The following HYDIN variants were observed in gnomAD, a reference collection of about 807,000 sequenced individuals.
HYDIN encodes axonemal central pair apparatus protein HYDIN.
A neutral mutation model predicts 403.9 loss-of-function variants in HYDIN; 132 were observed. The ratio of observed to expected loss-of-function variants is 0.33; its 90% CI spans 0.28 to 0.38. The LOEUF (loss-of-function observed/expected upper bound fraction) is 0.38, where lower values mean the gene tolerates loss of function less well. Ranked by LOEUF, HYDIN falls within the 10% of genes least tolerant of loss-of-function variation. The pLI, the probability that HYDIN is intolerant of heterozygous loss-of-function variation, is 1.00. For synonymous variants in HYDIN, 1,202 were observed against 1,891.7 expected, an observed-to-expected ratio of 0.64 and a Z score of 9.46; for missense variants, 2,827 against 5,009.5, an observed-to-expected ratio of 0.56 and a Z score of 13.15.
At chr16:71,127,853 CT>C (rs1176671095) in intron 9 of HYDIN, among the ~76,000 whole-genome samples, 1 of 152,124 alleles carries the variant, frequency 6.6e-6, no homozygotes, top group Non-Finnish European at 1.5e-5. Context: ...TTCCATATCT[CT>C]GGGCTTGACC....
chr16:71,106,059 G>A (rs1303895095), intron 10 of HYDIN, among the ~76,000 whole-genome samples: 3 of 152,068 alleles, frequency 2.0e-5, no homozygotes, highest in Non-Finnish European at 4.4e-5. Flanking sequence ...ACTGCCAGCT[G>A]TACTCAGCAG....
At chr16:70,896,571 GTCTTGAAC>G (rs1377197868) in intron 53 of HYDIN, among the ~76,000 whole-genome samples, 1 of 151,298 alleles carries the variant, frequency 6.6e-6, no homozygotes, top group Non-Finnish European at 1.5e-5. Context: ...GCCTAGGCTG[GTCTTGAAC>G]TCTTGAACTC....
At chr16:70,989,502 G>T (rs1178394902) in intron 25 of HYDIN, among the ~76,000 whole-genome samples, 1 of 152,082 alleles carries the variant, frequency 6.6e-6, no homozygotes, top group Non-Finnish European at 1.5e-5. Context: ...TTATACTGTA[G>T]ATAAATATTA....
chr16:70,895,781 G>A (rs533750038), intron 54 of HYDIN, among the ~76,000 whole-genome samples, 200 bp downstream of exon 54: 4 of 151,988 alleles, frequency 2.6e-5, no homozygotes, highest in East Asian at 1.9e-4. Flanking sequence ...ATGACCACCC[G>A]CTTTCTACCT....
intron 75 of HYDIN, among the ~76,000 whole-genome samples, chr16:70,848,348 T>C (rs904001700): frequency 1.3e-5 from 2 of 152,160 alleles, no homozygotes; most frequent in African/African-American, 4.8e-5. Context: ...ACAACTTCTA[T>C]TCATTGCTTT....
intron 13 of HYDIN, among the ~76,000 whole-genome samples, chr16:71,072,533 C>A (rs112700810): frequency 1.3e-5 from 2 of 151,390 alleles, no homozygotes; most frequent in African/African-American, 4.8e-5. Context: ...GTGCGTTAGC[C>A]CTTTGATAAA....
intron 41 of HYDIN, among the ~76,000 whole-genome samples, chr16:70,951,463 C>T (rs1314401123): frequency 6.6e-6 from 1 of 152,132 alleles, no homozygotes; most frequent in Admixed American, 6.5e-5. Flanking sequence ...CTCCTCGTTG[C>T]TTCCCTCAAA....
At position 70,806,343 on chromosome 16, in the gene HYDIN, G is replaced by C. The variant is rs1472314163; in HGVS notation, c.*1237C>G. 1.3e-5 allele frequency among the ~76,000 whole-genome samples: 2 copies of C among 151,578 alleles called. No individual in the cohort carries two copies. The highest frequency in any genetic ancestry group is 2.9e-5 in the Non-Finnish European group (2 of 68,024). ...ACTATTGTAAAGGTCTGTGTTTACA[G>C]ACATTCTAGAAAAAGCTTTTTTGGT... On this transcript the variant is annotated 3_prime_UTR_variant, in exon 86 of 86. Coordinates refer to ENST00000393567, the MANE Select transcript of HYDIN (RefSeq NM_001270974.2).
intron 9 of HYDIN, among the ~76,000 whole-genome samples, chr16:71,122,894 C>T (rs1242433930): frequency 1.6e-5 from 2 of 122,712 alleles, no homozygotes; most frequent in African/African-American, 6.2e-5. Context: ...TGTTCCCCTG[C>T]TCGCTGATGT....
intron 10 of HYDIN, among the ~76,000 whole-genome samples, chr16:71,107,671 A>G (rs1186192372): frequency 3.3e-5 from 5 of 152,042 alleles, no homozygotes; most frequent in Admixed American, 3.3e-4. Context: ...TCAAAAAATA[A>G]CAGATGCTGG....
At chr16:71,083,844 G>T (rs2082856599) in intron 12 of HYDIN, among the ~76,000 whole-genome samples, 1 of 132,844 alleles carries the variant, frequency 7.5e-6, no homozygotes, top group African/African-American at 2.9e-5. Flanking sequence ...TCACTTAGTA[G>T]CTGTCTTGGT....
intron 57 of HYDIN, among the ~76,000 whole-genome samples, 192 bp downstream of exon 57, chr16:70,891,454 G>A (rs759705826): frequency 2.0e-5 from 3 of 152,378 alleles, no homozygotes; most frequent in African/African-American, 2.4e-5. Flanking sequence ...CTCCCAAAGC[G>A]CTGCGATTAC....
intron 10 of HYDIN, among the ~76,000 whole-genome samples, chr16:71,098,350 C>T (rs763288356): frequency 1.3e-4 from 20 of 151,720 alleles, no homozygotes; most frequent in Non-Finnish European, 2.2e-4. Context: ...TACAGACGCC[C>T]GCCACCACGC....
At chr16:71,094,546 C>A (rs957426094) in intron 10 of HYDIN, among the ~76,000 whole-genome samples, 1 of 152,074 alleles carries the variant, frequency 6.6e-6, no homozygotes, top group Non-Finnish European at 1.5e-5. Context: ...GGGTCACCCC[C>A]ACTTAGGCAG....
rs147796845 is a variant in HYDIN at position 70,853,595 on chromosome 16, C to T, written c.12443+1533G>A. Among the ~76,000 whole-genome samples, 7 of 147,066 alleles carry T rather than the reference C, an allele frequency of 4.8e-5. No individual in the cohort carries two copies. The East Asian group carries it at 1.4e-3, about 28-fold the overall frequency. ...AGAATTATGAGTGAAAAAAACCAAT[C>T]ACAAAAGCAATGTATGTGTCTGTGA... On this transcript the variant is annotated intron_variant, in intron 73 of 85. Transcript: ENST00000393567.
chr16:71,030,985 G>A (rs2080886239), intron 19 of HYDIN, among the ~76,000 whole-genome samples: 1 of 151,664 alleles, frequency 6.6e-6, no homozygotes, highest in Non-Finnish European at 1.5e-5. Context: ...TGGATCATGA[G>A]GTCAGGAGAT....
intron 75 of HYDIN, among the ~76,000 whole-genome samples, chr16:70,847,945 A>G (rs2038332989): frequency 6.7e-6 from 1 of 148,610 alleles, no homozygotes; most frequent in Admixed American, 6.7e-5. Flanking sequence ...TCTTATGGGA[A>G]TCTGAACTTC....
In HYDIN at chr16:70,874,783, C is replaced by A; in HGVS notation, c.10660+34G>T. On this transcript the variant is annotated intron_variant, in intron 63 of 85. Transcript: ENST00000393567. ...CCCTAATGAAGCAGCTACTGAGATCCATTGCCCTCTAGAAGCACCCTCCCC... is the reference window on the plus strand; with the variant it reads ...CCCTAATGAAGCAGCTACTGAGATCAATTGCCCTCTAGAAGCACCCTCCCC... The A allele has an allele frequency of 2.5e-6, 4 of 1,599,016 alleles. No homozygotes were observed. The South Asian group carries it at 3.4e-5, about 14-fold the overall frequency.
intron 23 of HYDIN, among the ~76,000 whole-genome samples, chr16:71,011,066 A>G (rs1485007797): frequency 6.6e-6 from 1 of 152,086 alleles, no homozygotes; most frequent in Non-Finnish European, 1.5e-5. Flanking sequence ...TTGTCTAAGG[A>G]CCCTAGAGCT....
Sources: allele counts gnomAD v4.1 joint callset (sites outside exome capture counted in the v4.1 genomes callset), GRCh38; gene constraint gnomAD v4.1.1; transcripts MANE v1.5; gene names NCBI Gene and HGNC (gene_info 2026-07-23, HGNC 2026-07-21).